The following SLC4A1AP variants were observed in gnomAD, a reference collection of about 807,000 sequenced individuals.
The protein encoded by SLC4A1AP is solute carrier family 4 member 1 adaptor protein, also known as kanadaptin.
SLC4A1AP carries 64 observed loss-of-function variants against 89.7 expected under a neutral mutation model. That is an observed-to-expected ratio of 0.71 (90% confidence interval 0.58 to 0.88). SLC4A1AP has a LOEUF of 0.88. Ranked by LOEUF, SLC4A1AP falls within the 40% of genes least tolerant of loss-of-function variation. The pLI is 0.00. For missense variants in SLC4A1AP, 931 were observed against 965.0 expected (o/e 0.96, Z 0.47); for synonymous variants, 366 against 353.3 (o/e 1.04, Z -0.40).
At chr2:27,668,752 T>G in intron 3 of SLC4A1AP, 91 bp from the exon 4 acceptor site, 2 of 1,218,830 alleles carry the variant, frequency 1.6e-6, no homozygotes, top group Admixed American at 1.7e-5. Context: ...TAGGAACTTG[T>G]TCGTATTTAA....
At chr2:27,664,006 C>T (rs1675249653) in exon 1 of SLC4A1AP, 1 of 1,614,102 alleles carries the variant, frequency 6.2e-7, no homozygotes, top group Non-Finnish European at 8.5e-7. Flanking sequence ...TCCCCAGCGG[C>T]GCGGAGTAAG....
At chr2:27,673,294 G>A (rs973243470) in intron 5 of SLC4A1AP, among the ~76,000 whole-genome samples, 2 of 150,912 alleles carry the variant, frequency 1.3e-5, no homozygotes, top group Non-Finnish European at 3.0e-5. Context: ...GGGTCTTTAT[G>A]AATTTCTTTC....
Position 27,687,322 on chromosome 2 carries a change from C to T in SLC4A1AP, c.2117-612C>T, listed in dbSNP as rs147221878. Among the ~76,000 whole-genome samples, 193 of 152,132 alleles carry T rather than the reference C, an allele frequency of 1.3e-3. 2 individuals carry two copies. Among genetic ancestry groups the T allele is most frequent in the African/African-American group, 4.5e-3 (187 of 41,506 alleles). On this transcript the variant is annotated intron_variant, in intron 10 of 13. Coordinates refer to ENST00000613058, the Ensembl canonical transcript of SLC4A1AP. ...TTGGGGCTAGGCTGGGTGACTCACA[C>T]CTGTAATCCCAACATTTTGGGAGGC...
chr2:27,676,345 G>A (rs1053149887), intron 6 of SLC4A1AP, among the ~76,000 whole-genome samples: 2 of 152,158 alleles, frequency 1.3e-5, no homozygotes, highest in Non-Finnish European at 2.9e-5. Context: ...TTTGTTACAG[G>A]TATTAATTTA....
intron 2 of SLC4A1AP, 29 bp from the exon 3 acceptor site, chr2:27,667,239 A>G (rs1231101254): frequency 1.3e-6 from 2 of 1,593,538 alleles, no homozygotes; most frequent in East Asian, 2.3e-5. Flanking sequence ...ATGTCTGATT[A>G]TCTTTTCTTT....
intron 11 of SLC4A1AP, 105 bp downstream of exon 11, chr2:27,688,125 C>T: frequency 1.2e-6 from 1 of 857,092 alleles, no homozygotes; most frequent in Non-Finnish European, 1.9e-6. Flanking sequence ...GAGAATGGTC[C>T]TTTAGTTATG....
chr2:27,694,284 T>C (rs1229734516), intron 13 of SLC4A1AP, among the ~76,000 whole-genome samples: 2 of 152,168 alleles, frequency 1.3e-5, no homozygotes, highest in African/African-American at 2.4e-5. Context: ...AAAGATATTA[T>C]AAATTGCATT....
intron 12 of SLC4A1AP, 46 bp from the exon 13 acceptor site, chr2:27,693,639 T>C (rs758080211): frequency 6.7e-7 from 1 of 1,495,576 alleles, no homozygotes; most frequent in Admixed American, 1.9e-5. Flanking sequence ...GTAAGGTTTC[T>C]GGAGAGAAAT....
At chr2:27,677,315 T>C in exon 7 of SLC4A1AP, 1 of 1,613,520 alleles carries the variant, frequency 6.2e-7, no homozygotes, top group Admixed American at 1.7e-5. Flanking sequence ...TAAATGATGC[T>C]GAAAGGGAAC....
intron 2 of SLC4A1AP, 95 bp downstream of exon 2, chr2:27,665,390 C>A: frequency 9.2e-7 from 1 of 1,084,050 alleles, no homozygotes; most frequent in Non-Finnish European, 1.3e-6. Flanking sequence ...CTTTTCATGG[C>A]TCCTTGAGAT....
At chr2:27,675,294 A>C (rs1675499161) in intron 5 of SLC4A1AP, among the ~76,000 whole-genome samples, 1 of 152,088 alleles carries the variant, frequency 6.6e-6, no homozygotes, top group African/African-American at 2.4e-5. Context: ...TGTCTCTATG[A>C]ATTTGACTAC....
intron 5 of SLC4A1AP, among the ~76,000 whole-genome samples, chr2:27,672,224 T>C (rs1675436895): frequency 6.6e-6 from 1 of 152,178 alleles, no homozygotes; most frequent in Non-Finnish European, 1.5e-5. Flanking sequence ...ATGTCATTAA[T>C]TGTTTCGTCC....
At chr2:27,669,175 T>C in intron 4 of SLC4A1AP, 73 bp from the exon 5 acceptor site, 1 of 1,473,806 alleles carries the variant, frequency 6.8e-7, no homozygotes, top group Non-Finnish European at 9.1e-7. Flanking sequence ...ATGACTATTA[T>C]CATAGCATAG....
chr2:27,691,604 T>C (rs1199612550), intron 12 of SLC4A1AP: 1 of 150,978 alleles, frequency 6.6e-6, no homozygotes, highest in Non-Finnish European at 1.5e-5. Flanking sequence ...TTTTTTTTTT[T>C]TTTTTGAGAC....
Position 27,664,477 on chromosome 2 carries a change from CT to C in SLC4A1AP, c.729del (p.Leu244SerfsTer44). On this transcript the variant is annotated frameshift_variant, in exon 1 of 14. Transcript: ENST00000613058. LOFTEE classifies it high-confidence loss of function. ...TACGATCTGGGAAGCACCCATGGCA[CT>C]TTTCTCAACAAAACTCGCATCCCAC... 1 of 1,614,222 alleles carries C rather than the reference CT, an allele frequency of 6.2e-7. No homozygotes were observed.
intron 13 of SLC4A1AP, 21 bp from the exon 14 acceptor site, chr2:27,694,612 CT>C (rs1401132988): frequency 6.5e-6 from 10 of 1,527,560 alleles, no homozygotes; most frequent in Admixed American, 3.6e-5. Context: ...TAATGTATTT[CT>C]TTTTTTATAT....
At chr2:27,678,448 G>A (rs1036750402) in intron 8 of SLC4A1AP, among the ~76,000 whole-genome samples, 3 of 151,924 alleles carry the variant, frequency 2.0e-5, no homozygotes, top group African/African-American at 7.2e-5. Context: ...TAGGAGGATC[G>A]CTTGAGCCCA....
At chr2:27,666,386 C>T (rs1675324177) in intron 2 of SLC4A1AP, among the ~76,000 whole-genome samples, 1 of 127,186 alleles carries the variant, frequency 7.9e-6, no homozygotes, top group Non-Finnish European at 1.7e-5. Flanking sequence ...CGCCCCCCGG[C>T]CTCCCAAAGT....
exon 14 of SLC4A1AP, chr2:27,694,840 G>C: frequency 2.0e-6 from 1 of 490,064 alleles, no homozygotes; most frequent in East Asian, 3.1e-5. Context: ...AAATTTATCT[G>C]CCCATATGAT....
Sources: gnomAD v4.1 joint callset for allele counts (sites outside exome capture counted in the v4.1 genomes callset) on GRCh38, gnomAD v4.1.1 for gene constraint, MANE v1.5 for transcripts, NCBI Gene and HGNC (gene_info 2026-07-23, HGNC 2026-07-21) for gene names.